Variants in RAB11FIP5 observed in about 807,000 individuals in gnomAD.
The protein encoded by RAB11FIP5 is rab11 family-interacting protein 5.
In RAB11FIP5, 48 loss-of-function variants were observed where a neutral mutation model predicts 85.1. That is an observed-to-expected ratio of 0.56 (90% CI 0.45 to 0.72). RAB11FIP5 has a LOEUF of 0.72. RAB11FIP5 is among the 30% of genes least tolerant of loss of function. The pLI is 0.00. For synonymous variants in RAB11FIP5, 729 were observed against 727.3 expected (o/e 1.00, Z -0.04); for missense variants, 1,491 against 1,687.0 (o/e 0.88, Z 2.04).
chr2:73,086,734 A>G lies in RAB11FIP5; in HGVS notation c.1568+1316T>C, dbSNP rs897841480. 2.6e-5 allele frequency among the ~76,000 whole-genome samples: 4 copies of G among 151,970 alleles called. No homozygotes were observed. The East Asian group carries it at 5.8e-4, about 22-fold the overall frequency. On this transcript the variant is annotated intron_variant, in intron 3 of 5. Transcript: ENST00000486777. The surrounding 1 kb of genome is among the most constrained non-coding windows in gnomAD (Gnocchi z 4.4). The stretch of plus-strand genomic sequence containing the variant: ...GGGAAAGGCCTGTCCCCTTCTTCCC[A>G]ATCTTCCCCTAGGCCGCAGATGGCC...
rs1683839839 is a variant in RAB11FIP5 at position 73,075,576 on chromosome 2, C to T, written c.3920G>A (p.Arg1307Gln). 4.3e-6 allele frequency: 7 copies of T among 1,614,124 alleles called. No homozygotes were observed. The highest frequency in any genetic ancestry group is 1.1e-5 in the South Asian group (1 of 91,082). The change falls in exon 6 of 6, where the codon CGG becomes CAG. Residue 1307 changes from arginine to glutamine, a missense_variant. Physicochemically the swap from Arg to Gln is conservative, Grantham distance 43. This residue lies in a region of RAB11FIP5 where 232 missense variants were observed against 259.1 expected (regional missense o/e 0.90). Transcript: ENST00000486777. The surrounding 1 kb of genome is among the most constrained non-coding windows in gnomAD (Gnocchi z 4.6). ...CAGCGTGGGTGAGGTCTCCATGATC[C>T]GCACCAGCAGCCGGTCGATGTAGCT... ...LESYIDRLLV[R>Q]IMETSPTLLQ...
At position 73,112,570 on chromosome 2, in the gene RAB11FIP5, G is replaced by A. The variant is rs569286724; in HGVS notation, c.208C>T (p.Arg70Cys). Residue 70 changes from arginine to cysteine, a missense_variant, in exon 1 of 6, where the codon CGT becomes TGT. Physicochemically the swap from Arg to Cys is radical, Grantham distance 180. This residue lies in a region of RAB11FIP5 where 1,211 missense variants were observed against 1,338.0 expected (regional missense o/e 0.91). Transcript: ENST00000486777. ...GGCAGCTCGAAGGAGCACTCCTCAC[G>A]CCACTCGGGGCAGCCGTGCGTCTTC... ...VEKTHGCPEWREECSFELPPG... is the reference protein window; with the variant it reads ...VEKTHGCPEWCEECSFELPPG... 2 of 1,587,594 alleles carry A rather than the reference G, an allele frequency of 1.3e-6. No homozygotes were observed. Among genetic ancestry groups the A allele is most frequent in the East Asian group, 2.3e-5 (1 of 42,618 alleles).
rs964350377 is a variant in RAB11FIP5, at chr2:73,088,676, T to G, written c.942A>C (p.Arg314=). The change falls in exon 3 of 6, where the codon CGA becomes CGC. Residue 314 remains arginine, a synonymous_variant. Transcript: ENST00000486777. ...CCAGAAGGGCCCGAGGAGGAGCCACTCGCATCTGGTTGGCCTCATCGCTGT... is the reference window on the plus strand; with the variant it reads ...CCAGAAGGGCCCGAGGAGGAGCCACGCGCATCTGGTTGGCCTCATCGCTGT... ...RTYSDEANQM[R]VAPPRALLDL... is the part of the protein sequence containing the mutation. 1.2e-6 allele frequency: 2 copies of G among 1,612,982 alleles called. No individual in the cohort carries two copies. The highest frequency in any genetic ancestry group is 2.7e-5 in the African/African-American group (2 of 74,954).
chr2:73,075,346 C>A lies in RAB11FIP5; in HGVS notation c.*175G>T. On this transcript the variant is annotated 3_prime_UTR_variant, in exon 6 of 6. Coordinates refer to ENST00000486777, the MANE Select transcript of RAB11FIP5 (RefSeq NM_001371272.1). The surrounding 1 kb of genome is among the most constrained non-coding windows in gnomAD (Gnocchi z 4.6). ...AGTTGTGCACAGAACCTGATGCCTC[C>A]AAAGGGAATCCAGAGGGCCCCCTTC... The A allele has an allele frequency of 1.4e-6, 1 of 739,382 alleles. No individual in the cohort carries two copies. 45.8% of individuals were successfully genotyped at this position (739,382 alleles called of 1,614,324 possible). A position where few individuals can be genotyped will look rare whatever the true frequency, so the allele number is the denominator to read the frequency against.
chr2:73,088,967 TGAG>T lies in RAB11FIP5; in HGVS notation c.777_779del (p.Ser260del), dbSNP rs1315965783. ...CCTGGTAGGCCAAGCTCCCGCTGGC[TGAG>T]GACAGGGTGCTGTCCGAGCCCAGCG... On this transcript the variant is annotated inframe_deletion, in exon 2 of 6. Coordinates refer to ENST00000486777, the MANE Select transcript of RAB11FIP5 (RefSeq NM_001371272.1). 1 of 1,613,800 alleles carries T rather than the reference TGAG, an allele frequency of 6.2e-7. No individual in the cohort carries two copies. The highest frequency in any genetic ancestry group is 8.5e-7 in the Non-Finnish European group (1 of 1,179,888).
intron 3 of RAB11FIP5, among the ~76,000 whole-genome samples, chr2:73,087,036 G>C (rs950152331): frequency 5.9e-5 from 9 of 152,178 alleles, no homozygotes; most frequent in Non-Finnish European, 4.4e-5. Context: ...ACAGGTTTAG[G>C]GTCCTTCCTC....
intron 1 of RAB11FIP5, among the ~76,000 whole-genome samples, chr2:73,103,194 T>A (rs1182669252): frequency 6.6e-6 from 1 of 152,168 alleles, no homozygotes; most frequent in Non-Finnish European, 1.5e-5. Flanking sequence ...CAGCCTCTTA[T>A]CAGGCCAGAA....
chr2:73,075,526 TG>T lies in RAB11FIP5; in HGVS notation c.3969del (p.Lys1324AsnfsTer107). On this transcript the variant is annotated frameshift_variant, in exon 6 of 6. Coordinates refer to ENST00000486777, the MANE Select transcript of RAB11FIP5 (RefSeq NM_001371272.1). LOFTEE classifies it high-confidence loss of function. The surrounding 1 kb of genome is among the most constrained non-coding windows in gnomAD (Gnocchi z 4.6). ...TGGGGGTAGGGTGAGGAAGGCTATT[TG>T]GGGGGGCCCGGGGGGATCTGCAGCA... ...PTLLQIPPGP[P>X]K 6.2e-7 allele frequency: 1 copy of T among 1,613,600 alleles called. No individual in the cohort carries two copies. The highest frequency in any genetic ancestry group is 8.5e-7 in the Non-Finnish European group (1 of 1,179,748).
At position 73,086,758 on chromosome 2, in the gene RAB11FIP5, C is replaced by T. The variant is rs1684096127; in HGVS notation, c.1568+1292G>A. Among the ~76,000 whole-genome samples, 1 of 152,186 alleles carries T rather than the reference C, an allele frequency of 6.6e-6. No homozygotes were observed. Among genetic ancestry groups the T allele is most frequent in the African/African-American group, 2.4e-5 (1 of 41,430 alleles). ...CAATCTTCCCCTAGGCCGCAGATGG[C>T]CAGCAGCTCACCTGAGCTCTGGTGA... On this transcript the variant is annotated intron_variant, in intron 3 of 5. Transcript: ENST00000486777. The surrounding 1 kb of genome is among the most constrained non-coding windows in gnomAD (Gnocchi z 4.4).
At chr2:73,085,478 G>A (rs1202239138) in intron 3 of RAB11FIP5, among the ~76,000 whole-genome samples, 3 of 152,198 alleles carry the variant, frequency 2.0e-5, no homozygotes, top group Non-Finnish European at 4.4e-5. Context: ...GCGTGGTCTT[G>A]CCTGTCCTCA....
chr2:73,088,164 T>A lies in RAB11FIP5; in HGVS notation c.1454A>T (p.Glu485Val). ...SELGRRSSLG[E>V]KGGPILGASP... Reference sequence around the variant, plus strand: ...GGCCCCCAGGATGGGACCCCCCTTTTCCCCCAGAGAGCTTCGGCGACCCAA... The same window carrying A: ...GGCCCCCAGGATGGGACCCCCCTTTACCCCCAGAGAGCTTCGGCGACCCAA... Residue 485 changes from glutamate to valine, a missense_variant, in exon 3 of 6, where the codon GAA (glutamate) becomes GTA (valine). Glu to Val is a moderately radical substitution (Grantham distance 121, BLOSUM62 -2). Coordinates refer to ENST00000486777, the MANE Select transcript of RAB11FIP5 (RefSeq NM_001371272.1). The A allele has an allele frequency of 6.2e-7, 1 of 1,613,868 alleles. No homozygotes were observed. Among genetic ancestry groups the A allele is most frequent in the African/African-American group, 1.3e-5 (1 of 74,974 alleles).
chr2:73,111,252 C>T (rs1317529010), intron 1 of RAB11FIP5, among the ~76,000 whole-genome samples: 3 of 152,116 alleles, frequency 2.0e-5, no homozygotes, highest in Non-Finnish European at 4.4e-5. Context: ...TTACCTAAAT[C>T]CTGCTTTCAT....
rs1469612096 is a variant in RAB11FIP5, at chr2:73,075,326, T to C, written c.*195A>G. On this transcript the variant is annotated 3_prime_UTR_variant, in exon 6 of 6. Transcript: ENST00000486777. This position sits in a 1 kb window ranked among gnomAD's most constrained non-coding sequence, Gnocchi z 4.6. ...AGGGCTCCCAAAGACACACAAGTTGTGCACAGAACCTGATGCCTCCAAAGG... is the reference window on the plus strand; with the variant it reads ...AGGGCTCCCAAAGACACACAAGTTGCGCACAGAACCTGATGCCTCCAAAGG... 2 of 712,624 alleles carry C rather than the reference T, an allele frequency of 2.8e-6. No individual in the cohort carries two copies. The highest frequency in any genetic ancestry group is 5.1e-6 in the Non-Finnish European group (2 of 393,682). 44.1% of individuals were successfully genotyped at this position (712,624 alleles called of 1,614,324 possible).
Position 73,112,709 on chromosome 2 carries a change from C to A in RAB11FIP5, c.69G>T (p.Val23=), listed in dbSNP as rs768637178. ...PSRWLPTHVQ[V]TVLRARGLRG... ...GCAGCCCGCGGGCCCGCAGCACCGT[C>A]ACCTGGACGTGCGTGGGCAGCCAGC... The change falls in exon 1 of 6, where the codon GTG becomes GTT. Residue 23 remains valine, a synonymous_variant. Coordinates refer to ENST00000486777, the MANE Select transcript of RAB11FIP5 (RefSeq NM_001371272.1). 1.3e-6 allele frequency: 2 copies of A among 1,558,740 alleles called. No individual in the cohort carries two copies. The highest frequency in any genetic ancestry group is 1.7e-6 in the Non-Finnish European group (2 of 1,154,442).
chr2:73,089,415 G>A lies in RAB11FIP5; in HGVS notation c.432-100C>T, dbSNP rs1453315776. On this transcript the variant is annotated intron_variant, in intron 1 of 5. Transcript: ENST00000486777. The surrounding 1 kb of genome is among the most constrained non-coding windows in gnomAD (Gnocchi z 4.6). ...GCCCAGACCCCTCCTTGCTCTGAGA[G>A]CCACTGATAGCCTCTCCCCAAAGGC... is the stretch of plus-strand genomic sequence containing the variant. 8.5e-7 allele frequency: 1 copy of A among 1,174,152 alleles called. No individual in the cohort carries two copies. The allele number at this position is 1,174,152 out of a possible 1,614,324, so 72.7% of individuals were successfully genotyped here. A position where few individuals can be genotyped will look rare whatever the true frequency, so the allele number is the denominator to read the frequency against.
At chr2:73,099,376 T>C (rs1023364443) in intron 1 of RAB11FIP5, among the ~76,000 whole-genome samples, 4 of 152,230 alleles carry the variant, frequency 2.6e-5, no homozygotes, top group African/African-American at 9.7e-5. Flanking sequence ...ATGCTGTATA[T>C]TTAAAGACAT....
chr2:73,089,249 G>C lies in RAB11FIP5; in HGVS notation c.498C>G (p.Ile166Met). 1 of 1,614,172 alleles carries C rather than the reference G, an allele frequency of 6.2e-7. No homozygotes were observed. The highest frequency in any genetic ancestry group is 1.1e-5 in the South Asian group (1 of 91,086). Residue 166 changes from isoleucine to methionine, a missense_variant, in exon 2 of 6, where the codon ATC (isoleucine) becomes ATG (methionine). Coordinates refer to ENST00000486777, the MANE Select transcript of RAB11FIP5 (RefSeq NM_001371272.1). The surrounding 1 kb of genome is among the most constrained non-coding windows in gnomAD (Gnocchi z 4.6). The part of the protein sequence containing the change: ...EKERGEIEVT[I>M]QFTRNNLSAS... The stretch of plus-strand genomic sequence containing the variant: ...CGCTCAGGTTGTTGCGCGTGAACTG[G>C]ATGGTGACTTCAATCTCGCCGCGTT...
chr2:73,089,563 T>C lies in RAB11FIP5; in HGVS notation c.432-248A>G. The C allele has an allele frequency of 1.8e-6, 1 of 568,356 alleles. No homozygotes were observed. Among genetic ancestry groups the C allele is most frequent in the African/African-American group, 1.9e-5 (1 of 53,440 alleles). The allele number at this position is 568,356 out of a possible 1,614,324, so 35.2% of individuals were successfully genotyped here. ...GGGAAGCTCCTCGGGTGCCACCAGGTAGGGCGGCGGTTACCACACCATGCC... is the reference window on the plus strand; with the variant it reads ...GGGAAGCTCCTCGGGTGCCACCAGGCAGGGCGGCGGTTACCACACCATGCC... On this transcript the variant is annotated intron_variant, in intron 1 of 5. Transcript: ENST00000486777. The surrounding 1 kb of genome is among the most constrained non-coding windows in gnomAD (Gnocchi z 4.6).
At chr2:73,104,688 C>G (rs751527743) in intron 1 of RAB11FIP5, among the ~76,000 whole-genome samples, 10 of 152,152 alleles carry the variant, frequency 6.6e-5, no homozygotes, top group Non-Finnish European at 1.5e-4. Context: ...TGGCCCAGTC[C>G]CACCACACTC....
Sources: allele counts gnomAD v4.1 joint callset (sites outside exome capture counted in the v4.1 genomes callset), GRCh38; gene constraint gnomAD v4.1.1; regional missense constraint gnomAD v4.1.1; non-coding constraint Gnocchi (gnomAD v3.1); transcripts MANE v1.5; gene names NCBI Gene and HGNC (gene_info 2026-07-23, HGNC 2026-07-21).